The following ST8SIA6 variants were observed in gnomAD, a reference collection of about 807,000 sequenced individuals.
ST8SIA6 encodes alpha-2,8-sialyltransferase 8F.
In ST8SIA6, 39 loss-of-function variants were observed where a neutral mutation model predicts 33.6. The ratio of observed to expected loss-of-function variants is 1.16; its 90% confidence interval spans 0.90 to 1.52. The LOEUF (loss-of-function observed/expected upper bound fraction) is 1.52. Ranked by LOEUF, ST8SIA6 falls within the 40% of genes most tolerant of loss-of-function variation. The pLI is 0.00. For synonymous variants in ST8SIA6, 172 were observed against 167.2 expected (o/e 1.03, Z -0.22); for missense variants, 441 against 443.8 (o/e 0.99, Z 0.06).
At chr10:17,449,030 TAAAC>T (rs1396059742) in intron 2 of ST8SIA6, among the ~76,000 whole-genome samples, 3 of 151,466 alleles carry the variant, frequency 2.0e-5, no homozygotes, top group Non-Finnish European at 4.4e-5. Context: ...ACTCTGAAGA[TAAAC>T]AAAAAGTTCT....
At chr10:17,391,318 A>C (rs965587916) in intron 2 of ST8SIA6, among the ~76,000 whole-genome samples, 3 of 151,768 alleles carry the variant, frequency 2.0e-5, no homozygotes, top group African/African-American at 7.3e-5. Flanking sequence ...GCTGGAGTGC[A>C]GTGGTGCATC....
intron 4 of ST8SIA6, among the ~76,000 whole-genome samples, chr10:17,358,369 A>T (rs1160442946): frequency 6.6e-6 from 1 of 152,242 alleles, no homozygotes; most frequent in Non-Finnish European, 1.5e-5. Flanking sequence ...CACATAAAAA[A>T]AGAGAACCAT....
chr10:17,399,459 A>T (rs1488154945), intron 2 of ST8SIA6, among the ~76,000 whole-genome samples: 3 of 152,216 alleles, frequency 2.0e-5, no homozygotes, highest in Non-Finnish European at 4.4e-5. Context: ...CAAACATTGC[A>T]GGCAGCTTAA....
intron 2 of ST8SIA6, among the ~76,000 whole-genome samples, chr10:17,412,924 T>C (rs1471363788): frequency 6.6e-6 from 1 of 152,220 alleles, no homozygotes; most frequent in Non-Finnish European, 1.5e-5. Context: ...TATACAAATG[T>C]ATTAAATTGT....
chr10:17,329,392 G>A (rs913201277), intron 5 of ST8SIA6, among the ~76,000 whole-genome samples: 2 of 151,092 alleles, frequency 1.3e-5, no homozygotes, highest in Non-Finnish European at 2.9e-5. Context: ...ACAATTCCAT[G>A]GATTAAAATG....
At chr10:17,374,220 G>T (rs1307994917) in intron 3 of ST8SIA6, among the ~76,000 whole-genome samples, 2 of 140,620 alleles carry the variant, frequency 1.4e-5, no homozygotes, top group Non-Finnish European at 3.1e-5. Context: ...AAAAAAAAAA[G>T]TCATACATGC....
chr10:17,430,264 G>T (rs1245610428), intron 2 of ST8SIA6, among the ~76,000 whole-genome samples: 1 of 152,156 alleles, frequency 6.6e-6, no homozygotes, highest in African/African-American at 2.4e-5. Context: ...GTATTCCATG[G>T]TGTATATACA....
intron 3 of ST8SIA6, among the ~76,000 whole-genome samples, chr10:17,364,211 G>A (rs1407884147): frequency 6.6e-6 from 1 of 152,144 alleles, no homozygotes; most frequent in African/African-American, 2.4e-5. Flanking sequence ...TGTAGAATAT[G>A]GATAGTCTTT....
chr10:17,356,631 A>G (rs1319973652), intron 4 of ST8SIA6, among the ~76,000 whole-genome samples: 2 of 152,056 alleles, frequency 1.3e-5, no homozygotes, highest in African/African-American at 2.4e-5. Context: ...CAAGTGATCC[A>G]CCCACCTCAG....
At chr10:17,381,450 A>G (rs1850150140) in intron 3 of ST8SIA6, among the ~76,000 whole-genome samples, 1 of 150,742 alleles carries the variant, frequency 6.6e-6, no homozygotes, top group African/African-American at 2.4e-5. Context: ...TAGTAAAAAT[A>G]CACAAAAGAG....
At chr10:17,355,645 A>G (rs929759023) in intron 4 of ST8SIA6, among the ~76,000 whole-genome samples, 1 of 152,116 alleles carries the variant, frequency 6.6e-6, no homozygotes, top group Non-Finnish European at 1.5e-5. Flanking sequence ...TAATACTCCA[A>G]CTTGCTTTCA....
chr10:17,413,458 C>T (rs1281042618), intron 2 of ST8SIA6: 1 of 152,156 alleles, frequency 6.6e-6, no homozygotes, highest in Non-Finnish European at 1.5e-5. Flanking sequence ...CAGAGTTCCT[C>T]CAACTATTGG....
intron 4 of ST8SIA6, among the ~76,000 whole-genome samples, chr10:17,341,914 A>AAAAC (rs1554787660): frequency 6.6e-6 from 1 of 150,740 alleles, no homozygotes; most frequent in African/African-American, 2.4e-5. Flanking sequence ...AAAAAAAAAA[A>AAAAC]AAAAAAACAA....
intron 4 of ST8SIA6, among the ~76,000 whole-genome samples, chr10:17,337,473 A>G (rs550273379): frequency 6.6e-6 from 1 of 152,282 alleles, no homozygotes; most frequent in South Asian, 2.1e-4. Flanking sequence ...TCAACCCCAA[A>G]GCACTCGTTA....
chr10:17,453,420 C>A, intron 2 of ST8SIA6, 139 bp downstream of exon 2: 1 of 575,970 alleles, frequency 1.7e-6, no homozygotes, highest in Non-Finnish European at 2.6e-6. Context: ...GCGCCCTCTT[C>A]AAACACACGC....
chr10:17,401,422 A>G (rs1385375668), intron 2 of ST8SIA6, among the ~76,000 whole-genome samples: 2 of 152,246 alleles, frequency 1.3e-5, no homozygotes, highest in East Asian at 1.9e-4. Context: ...CAGAATTGGA[A>G]AGAACTACTT....
chr10:17,412,089 C>A (rs555778492), intron 2 of ST8SIA6, among the ~76,000 whole-genome samples: 1 of 152,114 alleles, frequency 6.6e-6, no homozygotes, highest in Admixed American at 6.6e-5. Context: ...TCAACTTCTA[C>A]CCCCACTCCA....
At position 17,315,465 on chromosome 10, in the gene ST8SIA6, A is replaced by G. The variant is rs1800163819; in HGVS notation, c.*5413T>C. 6.6e-6 allele frequency among the ~76,000 whole-genome samples: 1 copy of G among 152,002 alleles called. No individual in the cohort carries two copies. The highest frequency in any genetic ancestry group is 1.5e-5 in the Non-Finnish European group (1 of 67,888). ...TATTTGTAATAGCCAAAACCAGGAG[A>G]TAGTAAAATGTTCATCAACAAATGA... On this transcript the variant is annotated 3_prime_UTR_variant, in exon 8 of 8. Coordinates refer to ENST00000377602, the MANE Select transcript of ST8SIA6 (RefSeq NM_001004470.3).
chr10:17,449,022 T>C (rs1428792855), intron 2 of ST8SIA6, among the ~76,000 whole-genome samples: 1 of 151,436 alleles, frequency 6.6e-6, no homozygotes, highest in Non-Finnish European at 1.5e-5. Context: ...CCTAAATGAC[T>C]CTGAAGATAA....
Sources: gnomAD v4.1 joint callset for allele counts (sites outside exome capture counted in the v4.1 genomes callset) on GRCh38, gnomAD v4.1.1 for gene constraint, MANE v1.5 for transcripts, NCBI Gene and HGNC (gene_info 2026-07-23, HGNC 2026-07-21) for gene names.